Variants in REEP3 observed in about 807,000 individuals in gnomAD.
REEP3 encodes receptor accessory protein 3.
A neutral mutation model predicts 41.3 loss-of-function variants in REEP3; 20 were observed. The ratio of observed to expected loss-of-function variants is 0.48; its 90% CI spans 0.34 to 0.70. The LOEUF is 0.70. Among genes scored for constraint, REEP3 ranks in the 30% least tolerant of loss-of-function variants. The pLI is 0.01. For synonymous variants in REEP3, 104 were observed against 101.8 expected, an observed-to-expected ratio of 1.02 and a Z score of -0.13; for missense variants, 271 against 308.8, an observed-to-expected ratio of 0.88 and a Z score of 0.92.
At chr10:63,583,645 G>A (rs1318303521) in intron 2 of REEP3, among the ~76,000 whole-genome samples, 1 of 152,192 alleles carries the variant, frequency 6.6e-6, no homozygotes, top group East Asian at 1.9e-4. Context: ...GAAGTAGGAT[G>A]ACAGTTTGGT....
chr10:63,580,365 A>G (rs1429746045), intron 2 of REEP3, among the ~76,000 whole-genome samples: 1 of 152,100 alleles, frequency 6.6e-6, no homozygotes, highest in Admixed American at 6.6e-5. Flanking sequence ...TCAAACTCCT[A>G]GATTCAAGTG....
intron 1 of REEP3, among the ~76,000 whole-genome samples, chr10:63,553,768 T>C (rs1955651004): frequency 6.6e-6 from 1 of 152,174 alleles, no homozygotes; most frequent in Non-Finnish European, 1.5e-5. Flanking sequence ...GTTTTCACAA[T>C]TGTTTGTACA....
intron 1 of REEP3, among the ~76,000 whole-genome samples, chr10:63,536,029 G>C (rs1175568214): frequency 6.6e-6 from 1 of 152,170 alleles, no homozygotes; most frequent in Non-Finnish European, 1.5e-5. Context: ...TTCTGCATCA[G>C]GCATTATTCT....
intron 1 of REEP3, among the ~76,000 whole-genome samples, chr10:63,563,700 T>C (rs940048514): frequency 4.1e-5 from 6 of 145,984 alleles, no homozygotes; most frequent in Admixed American, 4.0e-4. Flanking sequence ...AATAATATAG[T>C]ACTAAAAAGT....
chr10:63,523,266 C>T (rs1955311648), intron 1 of REEP3, among the ~76,000 whole-genome samples: 1 of 152,132 alleles, frequency 6.6e-6, no homozygotes, highest in Admixed American at 6.5e-5. Context: ...CACTCTAATA[C>T]CCAGTGTTGG....
intron 3 of REEP3, among the ~76,000 whole-genome samples, chr10:63,597,757 A>G (rs1956129277): frequency 6.6e-6 from 1 of 152,144 alleles, no homozygotes; most frequent in Admixed American, 6.5e-5. Context: ...TACTAAAAAT[A>G]TGAAAATTAG....
At chr10:63,527,953 G>T (rs72837081) in intron 1 of REEP3, among the ~76,000 whole-genome samples, 10 of 139,984 alleles carry the variant, frequency 7.1e-5, no homozygotes, top group Non-Finnish European at 9.4e-5. Context: ...GCTTTTTTTT[G>T]TTTTTTTTTT....
Position 63,623,489 on chromosome 10 carries a change from A to T in REEP3, c.*2620A>T, listed in dbSNP as rs1444691199. ...AGCACGGGATTAGATGCACAAACCT[A>T]TTTAGGGAACTATTTTGGTAGATGT... On this transcript the variant is annotated 3_prime_UTR_variant, in exon 8 of 8. Coordinates refer to ENST00000373758, the MANE Select transcript of REEP3 (RefSeq NM_001001330.3). 1 of 152,242 alleles carries T rather than the reference A, an allele frequency of 6.6e-6. No homozygotes were observed. Among genetic ancestry groups the T allele is most frequent in the African/African-American group, 2.4e-5 (1 of 41,442 alleles). The allele number at this position is 152,242 out of a possible 1,614,324, so 9.4% of individuals were successfully genotyped here.
At chr10:63,614,863 C>T (rs1956301076) in intron 6 of REEP3, among the ~76,000 whole-genome samples, 1 of 152,134 alleles carries the variant, frequency 6.6e-6, no homozygotes, top group South Asian at 2.1e-4. Context: ...TTCCCTTTAG[C>T]TCAGCAAGAA....
intron 1 of REEP3, among the ~76,000 whole-genome samples, chr10:63,534,166 T>A (rs892124147): frequency 2.6e-5 from 4 of 152,210 alleles, no homozygotes; most frequent in South Asian, 2.1e-4. Flanking sequence ...AATAAACTTT[T>A]TTGTCCACAA....
At chr10:63,570,632 G>A (rs1344158613) in intron 2 of REEP3, among the ~76,000 whole-genome samples, 1 of 152,154 alleles carries the variant, frequency 6.6e-6, no homozygotes, top group Non-Finnish European at 1.5e-5. Flanking sequence ...AGAAATTAGG[G>A]AAGGTAAAAG....
chr10:63,596,795 A>G (rs1444877562), intron 3 of REEP3, among the ~76,000 whole-genome samples: 1 of 152,184 alleles, frequency 6.6e-6, no homozygotes, highest in Non-Finnish European at 1.5e-5. Flanking sequence ...TTGTTGTTTT[A>G]GAGACAGGGT....
At chr10:63,555,086 AT>A (rs1429674717) in intron 1 of REEP3, among the ~76,000 whole-genome samples, 1 of 152,214 alleles carries the variant, frequency 6.6e-6, no homozygotes, top group Non-Finnish European at 1.5e-5. Flanking sequence ...TGTAGCTCCA[AT>A]TTAGCTAAGT....
intron 1 of REEP3, among the ~76,000 whole-genome samples, chr10:63,528,206 T>C (rs907523847): frequency 1.3e-5 from 2 of 152,180 alleles, no homozygotes; most frequent in African/African-American, 2.4e-5. Flanking sequence ...TGGAAACATC[T>C]GAAAGTCAGA....
chr10:63,594,138 G>A (rs1481676101), intron 2 of REEP3, among the ~76,000 whole-genome samples: 3 of 151,498 alleles, frequency 2.0e-5, no homozygotes, highest in East Asian at 1.9e-4. Flanking sequence ...AGCATGTTGG[G>A]AGGCCGAGAC....
At chr10:63,617,946 T>C (rs2133436996) in intron 6 of REEP3, among the ~76,000 whole-genome samples, 1 of 147,454 alleles carries the variant, frequency 6.8e-6, no homozygotes, top group East Asian at 2.1e-4. Context: ...TGCCTCAGCC[T>C]CCCAAGTAGC....
chr10:63,524,978 C>T (rs1160505197), intron 1 of REEP3, among the ~76,000 whole-genome samples: 1 of 149,850 alleles, frequency 6.7e-6, no homozygotes, highest in African/African-American at 2.5e-5. Flanking sequence ...TGCCACTGCA[C>T]TCCAGCCTGG....
intron 3 of REEP3, among the ~76,000 whole-genome samples, chr10:63,597,093 T>A (rs1391882926): frequency 6.6e-6 from 1 of 152,154 alleles, no homozygotes; most frequent in Non-Finnish European, 1.5e-5. Context: ...TCTTTTCTGC[T>A]GGCCAAAGCA....
chr10:63,619,228 C>T (rs1319847331), intron 6 of REEP3, among the ~76,000 whole-genome samples: 1 of 152,102 alleles, frequency 6.6e-6, no homozygotes. Flanking sequence ...AACGGAAAAG[C>T]CTTAATTCCT....
Sources: gnomAD v4.1 joint callset for allele counts (sites outside exome capture counted in the v4.1 genomes callset) on GRCh38, gnomAD v4.1.1 for gene constraint, MANE v1.5 for transcripts, NCBI Gene and HGNC (gene_info 2026-07-23, HGNC 2026-07-21) for gene names.